OTC: variants seen among roughly 807,000 people sequenced by gnomAD.
The protein encoded by OTC is ornithine transcarbamylase, also known as ornithine transcarbamylase, mitochondrial.
In OTC, 3 loss-of-function variants were observed where a neutral mutation model predicts 30.3. The ratio of observed to expected loss-of-function variants is 0.10; its 90% CI spans 0.05 to 0.26. The LOEUF (loss-of-function observed/expected upper bound fraction) is 0.26. Ranked by LOEUF, OTC falls within the 10% of genes least tolerant of loss-of-function variation. OTC has a pLI of 1.00. For missense variants in OTC, 194 were observed against 260.3 expected, an observed-to-expected ratio of 0.75 and a Z score of 1.75; for synonymous variants, 111 against 99.7, an observed-to-expected ratio of 1.11 and a Z score of -0.67.
At chrX:38,387,017 T>C (rs754508327) in intron 4 of OTC, among the ~76,000 whole-genome samples, 1 of 112,765 alleles carries the variant, frequency 8.9e-6, no homozygotes, top group Admixed American at 9.4e-5. Context: ...GATATTGCAC[T>C]GTGGTTTTAA....
intron 4 of OTC, among the ~76,000 whole-genome samples, chrX:38,391,707 A>G (rs190557642): frequency 1.8e-5 from 2 of 111,240 alleles, no homozygotes; most frequent in Admixed American, 1.9e-4. Context: ...TAACTCCATC[A>G]GTCTTCGATA....
intron 3 of OTC, among the ~76,000 whole-genome samples, chrX:38,373,206 ACTC>A (rs1386646323): frequency 8.1e-5 from 9 of 111,423 alleles, no homozygotes; most frequent in African/African-American, 2.9e-4. Flanking sequence ...TCCAGTCACT[ACTC>A]CTCATTCACC....
At chrX:38,379,956 C>T (rs1216564994) in intron 3 of OTC, among the ~76,000 whole-genome samples, 1 of 111,887 alleles carries the variant, frequency 8.9e-6, no homozygotes, top group Non-Finnish European at 1.9e-5. Context: ...CATACCAATA[C>T]CCTTTACATC....
At chrX:38,337,391 A>T in the OTC span, among the ~76,000 whole-genome samples, 2 of 112,370 alleles carry the variant, frequency 1.8e-5, no homozygotes, top group African/African-American at 6.5e-5. Context: ...TTCACAAGGG[A>T]CAACAAATAT....
chrX:38,345,486 G>A, the OTC span, among the ~76,000 whole-genome samples: 1 of 110,272 alleles, frequency 9.1e-6, no homozygotes, highest in African/African-American at 3.3e-5. Flanking sequence ...CTGATTTTAG[G>A]AGCAGTTTAG....
intron 9 of OTC, 59 bp from the exon 10 acceptor site, chrX:38,420,963 TC>T: frequency 1.2e-6 from 1 of 857,311 alleles, no homozygotes; most frequent in East Asian, 3.1e-5. Flanking sequence ...CTTCTCTAGG[TC>T]CCTAAGCAGA....
At chrX:38,337,446 T>C in the OTC span, among the ~76,000 whole-genome samples, 4 of 111,931 alleles carry the variant, frequency 3.6e-5, no homozygotes, top group African/African-American at 1.3e-4. Context: ...CCAAATTTCC[T>C]TGCCTCCAGT....
In OTC at chrX:38,369,516, T is replaced by C. The variant is rs1214650010; in HGVS notation, c.217-280T>C. Among the ~76,000 whole-genome samples the C allele has an allele frequency of 4.8e-4, 29 of 60,788 alleles. No homozygotes were observed. In the East Asian group the frequency reaches 8.7e-3, roughly 18 times the overall value. The allele number at this position is 60,788 out of a possible 115,157, so 52.8% of individuals were successfully genotyped here. ...GCACCCACCACCACTCCAGGCTAAT[T>C]TTTTTTTTTTTTTTTGGTATTTTGA... On this transcript the variant is annotated intron_variant, in intron 2 of 9. Coordinates refer to ENST00000039007, the MANE Select transcript of OTC (RefSeq NM_000531.6).
At chrX:38,331,029 C>T in the OTC span, among the ~76,000 whole-genome samples, 1 of 111,741 alleles carries the variant, frequency 8.9e-6, no homozygotes, top group South Asian at 3.7e-4. Flanking sequence ...TGTTGTACTC[C>T]AGTGCCAGAC....
the OTC span, among the ~76,000 whole-genome samples, chrX:38,343,285 G>T: frequency 8.9e-6 from 1 of 111,842 alleles, no homozygotes; most frequent in African/African-American, 3.3e-5. Flanking sequence ...TGAGACACTG[G>T]TGAACTTTGA....
At chrX:38,420,236 C>T (rs1260017732) in intron 9 of OTC, among the ~76,000 whole-genome samples, 2 of 111,082 alleles carry the variant, frequency 1.8e-5, no homozygotes, top group Non-Finnish European at 3.8e-5. Context: ...GATTGATTTC[C>T]TCAACTATAA....
intron 1 of OTC, among the ~76,000 whole-genome samples, chrX:38,356,329 G>C (rs2068241478): frequency 9.0e-6 from 1 of 111,521 alleles, no homozygotes; most frequent in Non-Finnish European, 1.9e-5. Context: ...GAATATTAAT[G>C]ATCTAAGGTA....
chrX:38,389,304 C>T, intron 4 of OTC, among the ~76,000 whole-genome samples: 1 of 110,784 alleles, frequency 9.0e-6, no homozygotes, highest in African/African-American at 3.3e-5. Flanking sequence ...GGTTTCCAAT[C>T]ATTGCTATTC....
intron 4 of OTC, among the ~76,000 whole-genome samples, chrX:38,386,827 GC>G (rs1478531574): frequency 2.8e-4 from 31 of 112,222 alleles, no homozygotes; most frequent in African/African-American, 9.7e-4. Flanking sequence ...CCAGAAGTGG[GC>G]TAAATCATAT....
In OTC at chrX:38,401,336, A is replaced by T. The variant is rs758684873; in HGVS notation, c.448A>T (p.Thr150Ser). 9 of 1,196,493 alleles carry T rather than the reference A, an allele frequency of 7.5e-6. No individual in the cohort carries two copies. The highest frequency in any genetic ancestry group is 9.1e-6 in the Non-Finnish European group (8 of 881,766). The change falls in exon 5 of 10, where the codon ACC (threonine) becomes TCC (serine). Residue 150 changes from threonine (T) to serine (S), a missense_variant. Physicochemically the swap from Thr to Ser is moderately conservative, Grantham distance 58. Transcript: ENST00000039007. ...ARVYKQSDLD[T>S]LAKEASIPII... The stretch of plus-strand genomic sequence containing the variant: ...AGTGTATAAACAATCAGATTTGGAC[A>T]CCCTGGCTAAAGAAGCATCCATCCC...
At chrX:38,419,251 T>C (rs2068583772) in intron 9 of OTC, among the ~76,000 whole-genome samples, 1 of 112,190 alleles carries the variant, frequency 8.9e-6, no homozygotes, top group Admixed American at 9.5e-5. Flanking sequence ...TTATAATATG[T>C]TTTAAAATCA....
At chrX:38,348,789 T>G (rs2068201548), upstream of OTC, among the ~76,000 whole-genome samples, 1 of 111,539 alleles carries the variant, frequency 9.0e-6, no homozygotes, top group Non-Finnish European at 1.9e-5. Context: ...TATACCTCTC[T>G]TCATCTCTGT....
intron 9 of OTC, among the ~76,000 whole-genome samples, chrX:38,418,577 G>T (rs778706344): frequency 8.9e-6 from 1 of 112,031 alleles, no homozygotes; most frequent in African/African-American, 3.2e-5. Flanking sequence ...ATATGGTTTG[G>T]CTGTGTCCCC....
intron 3 of OTC, among the ~76,000 whole-genome samples, chrX:38,372,254 A>G (rs1161196166): frequency 9.0e-6 from 1 of 111,394 alleles, no homozygotes; most frequent in Non-Finnish European, 1.9e-5. Context: ...TTCTACATTA[A>G]TTATGTGTGT....
Sources: gnomAD v4.1 joint callset for allele counts (sites outside exome capture counted in the v4.1 genomes callset) on GRCh38, gnomAD v4.1.1 for gene constraint, MANE v1.5 for transcripts, NCBI Gene and HGNC (gene_info 2026-07-23, HGNC 2026-07-21) for gene names.